Variants in CCDC181 observed in about 807,000 individuals in gnomAD.
CCDC181 encodes coiled-coil domain containing 181.
A neutral mutation model predicts 58.7 loss-of-function variants in CCDC181; 35 were observed. The observed-to-expected ratio is 0.60, with a 90% CI of 0.46 to 0.79. The LOEUF (loss-of-function observed/expected upper bound fraction) is 0.79, where lower values mean the gene tolerates loss of function less well. Ranked by LOEUF, CCDC181 falls within the 30% of genes least tolerant of loss-of-function variation. CCDC181 has a pLI of 0.00. For synonymous variants in CCDC181, 183 were observed against 197.5 expected (o/e 0.93, Z 0.62); for missense variants, 517 against 583.9 (o/e 0.89, Z 1.18).
Position 169,419,085 on chromosome 1 carries a change from T to C in CCDC181, c.1143A>G (p.Gln381=), listed in dbSNP as rs769773136. ...TTTCTAAGACCTGCTCTCTTTTCTT[T>C]TGCAACCACGCTTTAAATACTATGT... ...ENDIVFKAWL[Q]KKREQVLEMR... is the part of the protein sequence containing the mutation. The change falls in exon 4 of 6, where the codon CAA becomes CAG. Residue 381 remains glutamine, a synonymous_variant. Coordinates refer to ENST00000367806, the MANE Select transcript of CCDC181 (RefSeq NM_001300969.2). The C allele has an allele frequency of 6.2e-7, 1 of 1,613,786 alleles. No homozygotes were observed. The highest frequency in any genetic ancestry group is 1.1e-5 in the South Asian group (1 of 91,078).
chr1:169,440,893 C>T (rs1232041907), intron 2 of CCDC181, among the ~76,000 whole-genome samples: 4 of 137,720 alleles, frequency 2.9e-5, no homozygotes, highest in African/African-American at 8.3e-5. Flanking sequence ...CATGATCATG[C>T]CACTGCACTC....
chr1:169,417,047 G>A (rs185926973), intron 4 of CCDC181, among the ~76,000 whole-genome samples: 1 of 152,210 alleles, frequency 6.6e-6, no homozygotes, highest in Admixed American at 6.5e-5. Flanking sequence ...AAACCAATTG[G>A]TTTTCCTTCT....
chr1:169,458,787 C>T (rs1657751997), intron 2 of CCDC181, among the ~76,000 whole-genome samples: 1 of 152,002 alleles, frequency 6.6e-6, no homozygotes. Context: ...GTTCTGCTGA[C>T]TCTTACTTGC....
chr1:169,437,051 G>T (rs911125767), intron 2 of CCDC181, among the ~76,000 whole-genome samples: 1 of 152,030 alleles, frequency 6.6e-6, no homozygotes, highest in Non-Finnish European at 1.5e-5. Flanking sequence ...GTCTCCCCAA[G>T]CGTTCAGGGA....
chr1:169,408,018 C>T (rs1655762369), intron 4 of CCDC181, among the ~76,000 whole-genome samples: 2 of 152,126 alleles, frequency 1.3e-5, no homozygotes, highest in South Asian at 2.1e-4. Flanking sequence ...TGGGAAGACA[C>T]CAAGCTAGCT....
intron 2 of CCDC181, among the ~76,000 whole-genome samples, chr1:169,458,679 T>G (rs1445835577): frequency 6.6e-6 from 1 of 152,178 alleles, no homozygotes; most frequent in Non-Finnish European, 1.5e-5. Flanking sequence ...TTTCTGTGAT[T>G]TCATCTTTTG....
chr1:169,422,317 A>G lies in CCDC181; in HGVS notation c.118-4T>C. The stretch of plus-strand genomic sequence containing the variant: ...TCTCTTCCTTCTCACAAGCCATCTA[A>G]AAACAAGATATTTTTCAGTCAAAAT... On this transcript the variant is annotated splice_polypyrimidine_tract_variant and splice_region_variant and intron_variant, in intron 2 of 5. Coordinates refer to ENST00000367806, the MANE Select transcript of CCDC181 (RefSeq NM_001300969.2). 6.6e-7 allele frequency: 1 copy of G among 1,514,702 alleles called. No individual in the cohort carries two copies. Among genetic ancestry groups the G allele is most frequent in the Non-Finnish European group, 8.9e-7 (1 of 1,123,224 alleles). 93.8% of individuals were successfully genotyped at this position (1,514,702 alleles called of 1,614,324 possible).
rs1656331358 is a variant in CCDC181, at chr1:169,418,889, G to A, written c.1215+124C>T. ...TCTGCATGTTGCATCTTTTGCAAGG[G>A]TAGTTCTTGAACAACTTTTCTACTT... On this transcript the variant is annotated intron_variant, in intron 4 of 5. Coordinates refer to ENST00000367806, the MANE Select transcript of CCDC181 (RefSeq NM_001300969.2). 5.8e-6 allele frequency: 4 copies of A among 687,464 alleles called. 1 individual carries two copies. Among genetic ancestry groups the A allele is most frequent in the Admixed American group, 5.5e-5 (2 of 36,528 alleles). The allele number at this position is 687,464 out of a possible 1,614,324, so 42.6% of individuals were successfully genotyped here. A position where few individuals can be genotyped will look rare whatever the true frequency, so the allele number is the denominator to read the frequency against.
chr1:169,417,905 T>C (rs576050024), intron 4 of CCDC181, among the ~76,000 whole-genome samples: 35 of 152,184 alleles, frequency 2.3e-4, no homozygotes, highest in Middle Eastern at 3.2e-3. Flanking sequence ...GAGACCTATA[T>C]CTATCTCTTA....
Position 169,434,872 on chromosome 1 carries a change from A to G in CCDC181, c.-23-9922T>C, listed in dbSNP as rs531983148. 7.4e-4 allele frequency among the ~76,000 whole-genome samples: 112 copies of G among 152,204 alleles called. 1 individual carries two copies. The highest frequency in any genetic ancestry group is 6.2e-3 in the South Asian group (30 of 4,826). On this transcript the variant is annotated intron_variant, in intron 2 of 6. Coordinates refer to the CCDC181 transcript ENST00000545005. ...CACAATATTGTGTCATTCCACTTATATAAAGTGCCCAGAACAGTCAAAATC... is the reference window on the plus strand; with the variant it reads ...CACAATATTGTGTCATTCCACTTATGTAAAGTGCCCAGAACAGTCAAAATC...
chr1:169,406,671 G>C (rs374842750), intron 4 of CCDC181, among the ~76,000 whole-genome samples: 1 of 151,916 alleles, frequency 6.6e-6, no homozygotes, highest in Non-Finnish European at 1.5e-5. Flanking sequence ...AGCATTAAGC[G>C]ATATACCTAA....
intron 5 of CCDC181, 22 bp from the exon 6 acceptor site, chr1:169,395,228 G>A: frequency 6.3e-7 from 1 of 1,598,800 alleles, no homozygotes. Context: ...GGCATGATCA[G>A]ATTTGGTGAG....
intron 4 of CCDC181, among the ~76,000 whole-genome samples, chr1:169,415,518 A>G (rs147162525): frequency 1.5e-3 from 228 of 152,250 alleles, no homozygotes; most frequent in African/African-American, 5.3e-3. Flanking sequence ...CCCAAGCCAC[A>G]TCTTCTCTGA....
intron 4 of CCDC181, among the ~76,000 whole-genome samples, chr1:169,403,356 C>A (rs1374265750): frequency 6.6e-6 from 1 of 152,228 alleles, no homozygotes; most frequent in Non-Finnish European, 1.5e-5. Flanking sequence ...ACAGAATATA[C>A]ATTCTTCTCA....
At chr1:169,446,520 A>T (rs1452328945) in intron 2 of CCDC181, among the ~76,000 whole-genome samples, 1 of 152,184 alleles carries the variant, frequency 6.6e-6, no homozygotes, top group Non-Finnish European at 1.5e-5. Flanking sequence ...ACTGGCTTTG[A>T]ATATTTCTTC....
chr1:169,455,215 A>C (rs997539171), intron 2 of CCDC181, among the ~76,000 whole-genome samples: 1 of 151,794 alleles, frequency 6.6e-6, no homozygotes, highest in African/African-American at 2.4e-5. Context: ...GTATGTTTTC[A>C]TTTAAATTTT....
chr1:169,440,947 G>GAAAAAAAAAAAAAA (rs1657211034), intron 2 of CCDC181, among the ~76,000 whole-genome samples: 1 of 59,456 alleles, frequency 1.7e-5, no homozygotes, highest in African/African-American at 5.3e-5. Flanking sequence ...AAAAAAAAAG[G>GAAAAAAAAAAAAAA]CAAGATGAGG....
At chr1:169,421,313 A>G in intron 3 of CCDC181, 50 bp downstream of exon 3, 1 of 1,373,204 alleles carries the variant, frequency 7.3e-7, no homozygotes, top group South Asian at 1.4e-5. Context: ...GCATTTATAA[A>G]ACAGTAAAAC....
At position 169,421,576 on chromosome 1, in the gene CCDC181, T is replaced by G; in HGVS notation, c.855A>C (p.Gly285=). Residue 285 remains glycine (G), a synonymous_variant, in exon 3 of 6, where the codon GGA becomes GGC. Transcript: ENST00000367806. ...GCTGAGCGATATAAGCCAGCGGCTC[T>G]CCTGTTGATGAGTGAGTGACAGCAT... ...KIHAVTHSST[G]EPLAYIAQPP... is the part of the protein sequence containing the mutation. 6.2e-7 allele frequency: 1 copy of G among 1,614,132 alleles called. No homozygotes were observed. The highest frequency in any genetic ancestry group is 1.7e-5 in the Admixed American group (1 of 59,994).
Sources: allele counts gnomAD v4.1 joint callset (sites outside exome capture counted in the v4.1 genomes callset), GRCh38; gene constraint gnomAD v4.1.1; transcripts MANE v1.5; gene names NCBI Gene and HGNC (gene_info 2026-07-23, HGNC 2026-07-21).